Variants in CNTN5 observed in about 807,000 individuals in gnomAD.
CNTN5 encodes the protein contactin 5.
Under a neutral mutation model 129.1 loss-of-function variants are expected in CNTN5, and 77 were observed. That is an observed-to-expected ratio of 0.60 (90% CI 0.50 to 0.72). The LOEUF is 0.72. Ranked by LOEUF, CNTN5 falls within the 30% of genes least tolerant of loss-of-function variation. The probability of loss-of-function intolerance (pLI) is 0.00; values close to 1 mark genes in which losing one functional copy is unlikely to be tolerated. For synonymous variants in CNTN5, 509 were observed against 465.6 expected (o/e 1.09, Z -1.20); for missense variants, 1,478 against 1,328.8 (o/e 1.11, Z -1.75).
chr11:99,620,986 T>G (rs17604258), intron 3 of CNTN5, among the ~76,000 whole-genome samples: 11 of 151,780 alleles, frequency 7.2e-5, no homozygotes, highest in Admixed American at 2.0e-4. Flanking sequence ...CTATTTTTTT[T>G]CATTCAAACA....
intron 1 of CNTN5, among the ~76,000 whole-genome samples, chr11:99,238,626 A>C (rs916057407): frequency 1.1e-4 from 16 of 152,178 alleles, no homozygotes; most frequent in Non-Finnish European, 1.5e-5. Context: ...CAGTTTGTGA[A>C]TAAGAAATCT....
chr11:99,760,074 G>C (rs779055125), intron 3 of CNTN5, among the ~76,000 whole-genome samples: 8 of 152,128 alleles, frequency 5.3e-5, no homozygotes, highest in Middle Eastern at 3.2e-3. Flanking sequence ...ATGTAGTAGT[G>C]AGATGAAACA....
At chr11:99,317,202 A>G (rs1865379442) in intron 1 of CNTN5, among the ~76,000 whole-genome samples, 2 of 152,192 alleles carry the variant, frequency 1.3e-5, no homozygotes, top group Non-Finnish European at 2.9e-5. Flanking sequence ...AAATGGCAGT[A>G]ACAAAGTTGG....
chr11:99,704,686 A>G (rs933199027), intron 3 of CNTN5, among the ~76,000 whole-genome samples: 1 of 151,270 alleles, frequency 6.6e-6, no homozygotes, highest in Non-Finnish European at 1.5e-5. Flanking sequence ...ACTATCTTTT[A>G]TCTATATATG....
At chr11:100,061,978 G>C (rs1943502458) in intron 10 of CNTN5, among the ~76,000 whole-genome samples, 1 of 152,168 alleles carries the variant, frequency 6.6e-6, no homozygotes, top group African/African-American at 2.4e-5. Flanking sequence ...AGCCCCTACA[G>C]CCTGCAAGTG....
At chr11:100,050,169 T>C (rs1229837086) in intron 9 of CNTN5, among the ~76,000 whole-genome samples, 1 of 152,154 alleles carries the variant, frequency 6.6e-6, no homozygotes, top group Non-Finnish European at 1.5e-5. Context: ...TAAAGACACA[T>C]GCACACGTAT....
intron 15 of CNTN5, among the ~76,000 whole-genome samples, chr11:100,219,041 TA>T (rs1949204777): frequency 6.6e-6 from 1 of 152,200 alleles, no homozygotes; most frequent in African/African-American, 2.4e-5. Flanking sequence ...CAATGATTGC[TA>T]AAACTATATA....
intron 9 of CNTN5, among the ~76,000 whole-genome samples, chr11:100,014,065 G>C (rs936488721): frequency 6.6e-6 from 1 of 152,124 alleles, no homozygotes; most frequent in Non-Finnish European, 1.5e-5. Context: ...TTCATATGCA[G>C]TTCTTAGAAT....
intron 2 of CNTN5, among the ~76,000 whole-genome samples, chr11:99,347,831 A>G (rs555051804): frequency 3.6e-4 from 55 of 152,332 alleles, no homozygotes; most frequent in African/African-American, 1.3e-3. Context: ...ATAATGTGCT[A>G]TTAATAATTT....
chr11:100,186,999 A>G (rs1483377027), intron 13 of CNTN5, among the ~76,000 whole-genome samples: 1 of 152,182 alleles, frequency 6.6e-6, no homozygotes, highest in African/African-American at 2.4e-5. Flanking sequence ...TGGAGAAATG[A>G]CACTGCCACT....
intron 9 of CNTN5, among the ~76,000 whole-genome samples, chr11:100,022,466 T>A (rs955645605): frequency 3.3e-5 from 5 of 152,216 alleles, no homozygotes; most frequent in Middle Eastern, 3.2e-3. Context: ...TTCTATTTTA[T>A]CTCTTTAGTT....
rs115291385 is a variant in CNTN5, at chr11:99,454,935, A to T, written c.-70-101210A>T. On this transcript the variant is annotated intron_variant, in intron 2 of 24. Transcript: ENST00000524871. ...AAAATAGTTGACACAGAAGAGTAGT[A>T]AGCATTGAGCCAACACAAAGCCATT... is the stretch of plus-strand genomic sequence containing the variant. Among the ~76,000 whole-genome samples the T allele has an allele frequency of 7.8e-3, 1,189 of 152,224 alleles. 21 individuals are homozygous for T. Among genetic ancestry groups the T allele is most frequent in the African/African-American group, 0.027 (1,111 of 41,534 alleles).
rs563157558 is a variant in CNTN5, at chr11:100,298,730, CACT to C, written c.2386-429_2386-427del. On this transcript the variant is annotated intron_variant, in intron 19 of 24. Coordinates refer to ENST00000524871, the MANE Select transcript of CNTN5 (RefSeq NM_014361.4). ...TAACCATAAAAGCAATTGCAAAGCACACTACAAAAAAGGTTTTAACATCATTAT... is the reference window on the plus strand; with the variant it reads ...TAACCATAAAAGCAATTGCAAAGCACACAAAAAAGGTTTTAACATCATTAT... Among the ~76,000 whole-genome samples, 16 of 151,392 alleles carry C rather than the reference CACT, an allele frequency of 1.1e-4. No homozygotes were observed. The South Asian group carries it at 3.3e-3, about 31-fold the overall frequency.
At chr11:99,900,353 A>G (rs1194406102) in intron 6 of CNTN5, among the ~76,000 whole-genome samples, 1 of 151,912 alleles carries the variant, frequency 6.6e-6, no homozygotes, top group Non-Finnish European at 1.5e-5. Flanking sequence ...ATATTGAGCC[A>G]TCCTTGCATC....
chr11:99,052,508 C>T (rs4753938), intron 1 of CNTN5, among the ~76,000 whole-genome samples: 13,872 of 151,812 alleles, frequency 0.091, 1,171 homozygotes, highest in East Asian at 0.23. Flanking sequence ...CTATATAGCG[C>T]AGGTACATAA....
intron 6 of CNTN5, 149 bp downstream of exon 6, chr11:99,845,411 C>T (rs536508467): frequency 1.6e-5 from 6 of 385,694 alleles, no homozygotes; most frequent in East Asian, 8.7e-5. Flanking sequence ...CTCGCTCTGT[C>T]GCCCAGGCTG....
chr11:99,752,655 T>C (rs1190439756), intron 3 of CNTN5, among the ~76,000 whole-genome samples: 1 of 152,248 alleles, frequency 6.6e-6, no homozygotes, highest in African/African-American at 2.4e-5. Flanking sequence ...GAGTTTATTA[T>C]TTATAGTTTT....
intron 7 of CNTN5, among the ~76,000 whole-genome samples, chr11:99,918,379 T>C (rs1949848622): frequency 6.6e-6 from 1 of 152,274 alleles, no homozygotes; most frequent in African/African-American, 2.4e-5. Flanking sequence ...AAACCAGTTA[T>C]ACAGACTGCT....
intron 2 of CNTN5, among the ~76,000 whole-genome samples, chr11:99,388,735 G>A (rs1941068048): frequency 1.3e-5 from 2 of 152,082 alleles, no homozygotes; most frequent in African/African-American, 4.8e-5. Flanking sequence ...TTTGTTCATA[G>A]TCCTTAGGGC....
Sources: allele counts gnomAD v4.1 joint callset (sites outside exome capture counted in the v4.1 genomes callset), GRCh38; gene constraint gnomAD v4.1.1; transcripts MANE v1.5; gene names NCBI Gene and HGNC (gene_info 2026-07-23, HGNC 2026-07-21).